Variants in DDB2 observed in about 807,000 individuals in gnomAD.
The protein encoded by DDB2 is damage specific DNA binding protein 2.
A neutral mutation model predicts 50.5 loss-of-function variants in DDB2; 27 were observed. The ratio of observed to expected loss-of-function variants is 0.53; its 90% CI spans 0.39 to 0.74. The LOEUF (loss-of-function observed/expected upper bound fraction) is 0.74. Ranked by LOEUF, DDB2 falls within the 30% of genes least tolerant of loss-of-function variation. The probability of loss-of-function intolerance (pLI) is 0.00; values close to 1 mark genes in which losing one functional copy is unlikely to be tolerated. For synonymous variants in DDB2, 176 were observed against 205.5 expected (o/e 0.86, Z 1.23); for missense variants, 424 against 545.6 (o/e 0.78, Z 2.22).
chr11:47,221,021 G>A (rs1020320819), intron 3 of DDB2, among the ~76,000 whole-genome samples: 5 of 151,768 alleles, frequency 3.3e-5, no homozygotes, highest in Non-Finnish European at 7.4e-5. Flanking sequence ...AAATTAGCCG[G>A]GAGTAGTGGT....
intron 3 of DDB2, among the ~76,000 whole-genome samples, chr11:47,223,290 G>C (rs1024918464): frequency 6.6e-6 from 1 of 151,962 alleles, no homozygotes; most frequent in African/African-American, 2.4e-5. Context: ...TTTTAGACCA[G>C]CCTGGCTAAC....
intron 3 of DDB2, among the ~76,000 whole-genome samples, chr11:47,228,151 A>AG (rs1411548156): frequency 6.6e-6 from 1 of 151,378 alleles, no homozygotes; most frequent in East Asian, 2.0e-4. Context: ...AAAAAAAAAA[A>AG]AAAAAAAAAG....
rs759389471 is a variant in DDB2 at position 47,237,830 on chromosome 11, C to T, written c.1024-7C>T. ...TTACCCTCATGGCCGGCCTCTCCATCTCCTAGGCAGCCTGGCATCCTCGCT... is the reference window on the plus strand; with the variant it reads ...TTACCCTCATGGCCGGCCTCTCCATTTCCTAGGCAGCCTGGCATCCTCGCT... On this transcript the variant is annotated splice_polypyrimidine_tract_variant and splice_region_variant and intron_variant, in intron 7 of 9. Coordinates refer to ENST00000256996, the MANE Select transcript of DDB2 (RefSeq NM_000107.3). 6.2e-7 allele frequency: 1 copy of T among 1,614,018 alleles called. No individual in the cohort carries two copies. The highest frequency in any genetic ancestry group is 1.3e-5 in the African/African-American group (1 of 74,922).
intron 3 of DDB2, among the ~76,000 whole-genome samples, chr11:47,225,847 T>C (rs977347030): frequency 1.3e-5 from 2 of 152,226 alleles, no homozygotes; most frequent in Non-Finnish European, 2.9e-5. Flanking sequence ...ATATCTCATC[T>C]AAGTGGAATC....
rs1439005331 is a variant in DDB2, at chr11:47,216,944, G to C, written c.351G>C (p.Leu117Phe). The part of the protein sequence containing the change: ...AAPFDRRATS[L>F]AWHPTHPSTV... ...CCTTTGACAGGAGGGCTACATCCTT[G>C]GCGTGGCACCCAACTCACCCCAGCA... The change falls in exon 3 of 10, where the codon TTG (leucine) becomes TTC (phenylalanine). Residue 117 changes from leucine to phenylalanine, a missense_variant. Transcript: ENST00000256996. The C allele has an allele frequency of 6.2e-7, 1 of 1,614,104 alleles. No individual in the cohort carries two copies. Among genetic ancestry groups the C allele is most frequent in the Non-Finnish European group, 8.5e-7 (1 of 1,180,014 alleles).
intron 1 of DDB2, chr11:47,216,115 TC>T: frequency 1.4e-6 from 1 of 702,354 alleles, no homozygotes; most frequent in Non-Finnish European, 2.6e-6. Context: ...TACTTTCACT[TC>T]AGACTTACTG....
chr11:47,214,931 A>C, upstream of DDB2: 2 of 666,434 alleles, frequency 3.0e-6, no homozygotes, highest in Admixed American at 2.9e-5. Flanking sequence ...CCTTCCAGGA[A>C]GGGGCGGGGT....
intron 3 of DDB2, among the ~76,000 whole-genome samples, chr11:47,226,757 T>G (rs1953564574): frequency 1.6e-5 from 2 of 127,932 alleles, no homozygotes; most frequent in Non-Finnish European, 3.5e-5. Flanking sequence ...TTTTTTTTTT[T>G]TTGAAACAGG....
chr11:47,221,108 A>G (rs1250516881), intron 3 of DDB2, among the ~76,000 whole-genome samples: 1 of 151,878 alleles, frequency 6.6e-6, no homozygotes, highest in Non-Finnish European at 1.5e-5. Context: ...GGTTGCAGTG[A>G]GCTGAGATGG....
intron 3 of DDB2, among the ~76,000 whole-genome samples, chr11:47,223,800 G>T (rs1026928356): frequency 4.0e-5 from 6 of 151,586 alleles, no homozygotes; most frequent in South Asian, 2.1e-4. Flanking sequence ...AATAAATAAA[G>T]AATAAAAATA....
intron 4 of DDB2, 180 bp downstream of exon 4, chr11:47,233,139 G>T: frequency 2.7e-6 from 2 of 735,956 alleles, no homozygotes; most frequent in Admixed American, 2.0e-5. Context: ...CTTTGGTCCA[G>T]GTGGGTTACT....
chr11:47,236,220 A>T (rs1323106280), intron 7 of DDB2: 1 of 152,184 alleles, frequency 6.6e-6, no homozygotes, highest in African/African-American at 2.4e-5. Context: ...GGCATGAGCC[A>T]CTGCGCCTGG....
At chr11:47,223,780 AAAAT>A (rs994462094) in intron 3 of DDB2, among the ~76,000 whole-genome samples, 1 of 150,958 alleles carries the variant, frequency 6.6e-6, no homozygotes, top group Non-Finnish European at 1.5e-5. Flanking sequence ...GACTCCGTCT[AAAAT>A]AAATAAATAA....
intron 7 of DDB2, 136 bp from the exon 8 acceptor site, chr11:47,237,701 T>C (rs999983343): frequency 4.0e-5 from 35 of 864,398 alleles, no homozygotes; most frequent in Admixed American, 9.8e-5. Flanking sequence ...TCCCAAAGTG[T>C]TGAGATTACA....
intron 3 of DDB2, among the ~76,000 whole-genome samples, chr11:47,218,525 G>C (rs1318778223): frequency 1.3e-5 from 2 of 152,202 alleles, no homozygotes; most frequent in African/African-American, 2.4e-5. Context: ...AAGAAGGAAA[G>C]ACATAGTGTG....
At chr11:47,226,734 CTTTTTTTTT>C (rs542832519) in intron 3 of DDB2, among the ~76,000 whole-genome samples, 1 of 124,612 alleles carries the variant, frequency 8.0e-6, no homozygotes, top group Non-Finnish European at 1.6e-5. Context: ...AGTCCTTTGC[CTTTTTTTTT>C]TTTTTTTTTT....
chr11:47,216,416 G>A lies in DDB2; in HGVS notation c.208G>A (p.Val70Ile), dbSNP rs779731799. 9.9e-6 allele frequency: 16 copies of A among 1,613,958 alleles called. No homozygotes were observed. The highest frequency in any genetic ancestry group is 8.0e-5 in the African/African-American group (6 of 74,924). The change falls in exon 2 of 10, where the codon GTC becomes ATC. Residue 70 changes from valine (V) to isoleucine (I), a missense_variant. Physicochemically the swap from Val to Ile is conservative, Grantham distance 29. Transcript: ENST00000256996. ...GATCCTGCCACCATGCCGCAGCATC[G>A]TCAGGACCCTCCACCAGCATAAGCT... Reference protein sequence around the residue: ...PQILPPCRSIVRTLHQHKLGR... With the variant: ...PQILPPCRSIIRTLHQHKLGR...
intron 3 of DDB2, among the ~76,000 whole-genome samples, chr11:47,231,355 A>G (rs1242621882): frequency 1.3e-5 from 2 of 152,122 alleles, no homozygotes; most frequent in Non-Finnish European, 1.5e-5. Context: ...TGGGAATAAC[A>G]AATTAGGGCA....
At chr11:47,215,697 T>C (rs1220683372) in intron 1 of DDB2, 1 of 291,374 alleles carries the variant, frequency 3.4e-6, no homozygotes, top group East Asian at 9.2e-5. Flanking sequence ...CCTGGGGCTA[T>C]AAGGAGTTTC....
Sources: allele counts gnomAD v4.1 joint callset (sites outside exome capture counted in the v4.1 genomes callset), GRCh38; gene constraint gnomAD v4.1.1; transcripts MANE v1.5; gene names NCBI Gene and HGNC (gene_info 2026-07-23, HGNC 2026-07-21).